Variants in ANK3 observed in about 807,000 individuals in gnomAD.
ANK3 encodes the protein ankyrin-3.
Under a neutral mutation model 370.9 loss-of-function variants are expected in ANK3, and 57 were observed. That is an observed-to-expected ratio of 0.15 (90% CI 0.12 to 0.19). The LOEUF is 0.19. Ranked by LOEUF, ANK3 falls within the 10% of genes least tolerant of loss-of-function variation. The pLI, the probability that ANK3 is intolerant of heterozygous loss-of-function variation, is 1.00. For synonymous variants in ANK3, 1,929 were observed against 1,946.3 expected (o/e 0.99, Z 0.23); for missense variants, 4,439 against 5,302.1 (o/e 0.84, Z 5.06).
intron 2 of ANK3, among the ~76,000 whole-genome samples, chr10:60,465,698 G>A (rs114593644): frequency 0.026 from 3,977 of 151,616 alleles, 62 homozygotes; most frequent in Middle Eastern, 0.052. Flanking sequence ...AATGATTTCC[G>A]AAATAAACTC....
chr10:60,310,073 G>A (rs1240729350), intron 1 of ANK3, among the ~76,000 whole-genome samples: 1 of 151,776 alleles, frequency 6.6e-6, no homozygotes, highest in African/African-American at 2.4e-5. Flanking sequence ...GTACAGTTAT[G>A]TGCCACTATA....
intron 43 of ANK3, among the ~76,000 whole-genome samples, chr10:60,042,168 T>C (rs902382590): frequency 6.6e-6 from 1 of 152,198 alleles, no homozygotes; most frequent in Non-Finnish European, 1.5e-5. Flanking sequence ...ACCTCCTATT[T>C]TTTCCTTTTG....
At position 60,075,875 on chromosome 10, in the gene ANK3, G is replaced by A. The variant is rs145794254; in HGVS notation, c.5006C>T (p.Pro1669Leu). 240 of 1,614,102 alleles carry A rather than the reference G, an allele frequency of 1.5e-4. No homozygotes were observed. Among genetic ancestry groups the A allele is most frequent in the Admixed American group, 5.3e-4 (32 of 60,010 alleles). The change falls in exon 37 of 44, where the codon CCG becomes CTG. Residue 1669 changes from proline to leucine, a missense_variant. Pro to Leu is a moderately conservative substitution (Grantham distance 98, BLOSUM62 -3). Transcript: ENST00000280772. Reference sequence around the variant, plus strand: ...TGACTTTAAAGGTGAAGATATTAGCGGTGCTGCTGATGTAATAATTGACTT... The same window carrying A: ...TGACTTTAAAGGTGAAGATATTAGCAGTGCTGCTGATGTAATAATTGACTT... ...PFKSIITSAA[P>L]LISSPLKSVV...
chr10:60,148,562 C>A (rs2094939805), intron 23 of ANK3, among the ~76,000 whole-genome samples: 1 of 152,190 alleles, frequency 6.6e-6, no homozygotes, highest in South Asian at 2.1e-4. Flanking sequence ...AAAATTCCTT[C>A]ATATTCTTTC....
intron 1 of ANK3, among the ~76,000 whole-genome samples, chr10:60,313,310 G>A (rs751985947): frequency 7.2e-5 from 11 of 152,104 alleles, no homozygotes; most frequent in Non-Finnish European, 7.4e-5. Flanking sequence ...ATGAGTCACG[G>A]GGAAAAGGAA....
At chr10:60,198,925 C>T (rs1414557159) in intron 13 of ANK3, among the ~76,000 whole-genome samples, 1 of 152,190 alleles carries the variant, frequency 6.6e-6, no homozygotes, top group Non-Finnish European at 1.5e-5. Context: ...TATGCACTCA[C>T]ATGGAATGAA....
intron 1 of ANK3, among the ~76,000 whole-genome samples, chr10:60,327,335 C>T (rs2050146160): frequency 6.6e-6 from 1 of 152,160 alleles, no homozygotes; most frequent in East Asian, 1.9e-4. Context: ...CACATTTTCT[C>T]TTAGGTTAAG....
At chr10:60,536,850 C>T (rs928326045) in intron 2 of ANK3, among the ~76,000 whole-genome samples, 4 of 151,980 alleles carry the variant, frequency 2.6e-5, no homozygotes, top group African/African-American at 9.7e-5. Flanking sequence ...GAAAACAGAT[C>T]TGCTGTCTAT....
At chr10:60,500,874 A>T (rs1270215388) in intron 2 of ANK3, among the ~76,000 whole-genome samples, 1 of 152,150 alleles carries the variant, frequency 6.6e-6, no homozygotes, top group Non-Finnish European at 1.5e-5. Flanking sequence ...ACATAATATC[A>T]TATTTCTCAA....
chr10:60,200,741 G>A (rs749169753), intron 12 of ANK3, among the ~76,000 whole-genome samples: 4 of 151,914 alleles, frequency 2.6e-5, no homozygotes, highest in Non-Finnish European at 5.9e-5. Context: ...CTTAAATATT[G>A]ACCATAAATT....
chr10:60,455,353 C>T (rs183788795), intron 2 of ANK3, among the ~76,000 whole-genome samples: 2 of 152,266 alleles, frequency 1.3e-5, no homozygotes, highest in Admixed American at 1.3e-4. Flanking sequence ...TAACAGTTCT[C>T]AATTTTTCAC....
intron 28 of ANK3, among the ~76,000 whole-genome samples, chr10:60,096,252 C>G (rs1473860521): frequency 2.0e-5 from 3 of 151,952 alleles, no homozygotes; most frequent in African/African-American, 4.8e-5. Flanking sequence ...AGTAATAAAG[C>G]CTGATAATGT....
rs71015794 is a variant in ANK3 at position 60,468,997 on chromosome 10, G to GTATATATATATATATA, written c.96+146173_96+146188dup. ...ACTATATATATACCACTTTTAGTGT[G>GTATATATATATATATA]TATATATATATATATATATATACCA... On this transcript the variant is annotated intron_variant, in intron 2 of 43. Transcript: ENST00000373827. 3.4e-4 allele frequency among the ~76,000 whole-genome samples: 8 copies of GTATATATATATATATA among 23,252 alleles called. 1 individual carries two copies. The highest frequency in any genetic ancestry group is 2.1e-3 in the East Asian group (1 of 486). The allele number at this position is 23,252 out of a possible 152,430, so 15.3% of individuals were successfully genotyped here. A position where few individuals can be genotyped will look rare whatever the true frequency, so the allele number is the denominator to read the frequency against.
At chr10:60,059,865 C>G in intron 40 of ANK3, 1 of 1,614,212 alleles carries the variant, frequency 6.2e-7, no homozygotes, top group Middle Eastern at 1.7e-4. Flanking sequence ...AGGCACTAGC[C>G]CATCACTCAG....
At position 60,068,971 on chromosome 10, in the gene ANK3, G is replaced by A. The variant is rs2082166591; in HGVS notation, c.11910C>T (p.Thr3970=). ...TTTTTTATTT[T]TTTTTTTTSC... is the part of the protein sequence containing the mutation. Reference sequence around the variant, plus strand: ...TGGTGGTGGTGGTAGTGGTGGTAGTGGTGGTGGTGGTGGCAGTGGTGGTGG... The same window carrying A: ...TGGTGGTGGTGGTAGTGGTGGTAGTAGTGGTGGTGGTGGCAGTGGTGGTGG... The change falls in exon 37 of 44, where the codon ACC becomes ACT. Residue 3970 remains threonine (T), a synonymous_variant. Coordinates refer to ENST00000280772, the MANE Select transcript of ANK3 (RefSeq NM_020987.5). The A allele has an allele frequency of 6.2e-7, 1 of 1,610,196 alleles. No individual in the cohort carries two copies.
rs182233306 is a variant in ANK3 at position 60,073,613 on chromosome 10, C to T, written c.7268G>A (p.Arg2423His). The stretch of plus-strand genomic sequence containing the variant: ...AGATATGAGTTGAGCAGAACTAGGG[C>T]GGCTATCTTCTTCTTGGGACACAGG... ...NTPVSQEEDS[R>H]PSSAQLISDD... Residue 2423 changes from arginine (R) to histidine (H), a missense_variant, in exon 37 of 44, where the codon CGC becomes CAC. This residue lies in a region of ANK3 where 1,601 missense variants were observed against 1,731.7 expected (regional missense o/e 0.92). Transcript: ENST00000280772. 13 of 1,613,922 alleles carry T rather than the reference C, an allele frequency of 8.1e-6. No homozygotes were observed. Among genetic ancestry groups the T allele is most frequent in the East Asian group, 4.5e-5 (2 of 44,852 alleles).
chr10:60,668,793 A>G (rs1352677765), intron 1 of ANK3, among the ~76,000 whole-genome samples: 1 of 152,106 alleles, frequency 6.6e-6, no homozygotes, highest in Admixed American at 6.5e-5. Context: ...GGAGTTCGAG[A>G]CCAGCCTGGC....
chr10:60,497,356 C>G (rs2075685574), intron 2 of ANK3, among the ~76,000 whole-genome samples: 1 of 152,142 alleles, frequency 6.6e-6, no homozygotes, highest in Non-Finnish European at 1.5e-5. Context: ...TTCTTAATAG[C>G]ATAGTCAGAA....
intron 28 of ANK3, among the ~76,000 whole-genome samples, chr10:60,104,362 A>C (rs1590046219): frequency 5.4e-5 from 1 of 18,490 alleles, no homozygotes; most frequent in East Asian, 1.9e-3. Flanking sequence ...CATCTCAAAA[A>C]AAAAAAAAAA....
Sources: gnomAD v4.1 joint callset for allele counts (sites outside exome capture counted in the v4.1 genomes callset) on GRCh38, gnomAD v4.1.1 for gene constraint, gnomAD v4.1.1 regional missense constraint, MANE v1.5 for transcripts, NCBI Gene and HGNC (gene_info 2026-07-23, HGNC 2026-07-21) for gene names.